Variants in PRKN observed in about 807,000 individuals in gnomAD.
PRKN encodes the protein E3 ubiquitin-protein ligase parkin.
In PRKN, 56 loss-of-function variants were observed where a neutral mutation model predicts 59.5. The observed-to-expected ratio is 0.94, with a 90% CI of 0.76 to 1.18. The LOEUF (loss-of-function observed/expected upper bound fraction) is 1.18, where lower values mean the gene tolerates loss of function less well. Ranked by LOEUF, PRKN falls within the 50% of genes most tolerant of loss-of-function variation. The probability of loss-of-function intolerance (pLI) is 0.00; values close to 1 mark genes in which losing one functional copy is unlikely to be tolerated. For missense variants in PRKN, 657 were observed against 596.4 expected (o/e 1.10, Z -1.06); for synonymous variants, 250 against 222.1 (o/e 1.13, Z -1.12).
chr6:162,024,016 T>C (rs1351501342), intron 5 of PRKN, among the ~76,000 whole-genome samples: 1 of 152,104 alleles, frequency 6.6e-6, no homozygotes, highest in Non-Finnish European at 1.5e-5. Flanking sequence ...AATTGCTTTT[T>C]CTAGTTCTGT....
chr6:162,404,458 T>C (rs1159124135), intron 2 of PRKN, among the ~76,000 whole-genome samples: 3 of 152,164 alleles, frequency 2.0e-5, no homozygotes, highest in Admixed American at 1.3e-4. Context: ...CAAAAGGATA[T>C]TGGGTCTAGA....
chr6:162,536,622 G>A (rs1003256671), intron 1 of PRKN, among the ~76,000 whole-genome samples: 6 of 151,954 alleles, frequency 3.9e-5, no homozygotes, highest in Non-Finnish European at 5.9e-5. Flanking sequence ...CTGTGATACC[G>A]GCAAACTTCT....
At chr6:161,979,792 G>C (rs1288204881) in intron 5 of PRKN, among the ~76,000 whole-genome samples, 1 of 152,142 alleles carries the variant, frequency 6.6e-6, no homozygotes, top group African/African-American at 2.4e-5. Flanking sequence ...AGGGGGACCA[G>C]GGGAGAAGAG....
At chr6:161,382,631 G>A (rs1786046990) in intron 10 of PRKN, among the ~76,000 whole-genome samples, 2 of 152,282 alleles carry the variant, frequency 1.3e-5, no homozygotes, top group East Asian at 1.9e-4. Context: ...AACAAGCAGG[G>A]AAAAACAAGG....
intron 3 of PRKN, among the ~76,000 whole-genome samples, chr6:162,204,008 G>C (rs1319455350): frequency 6.6e-6 from 1 of 152,108 alleles, no homozygotes; most frequent in Non-Finnish European, 1.5e-5. Flanking sequence ...TGTGCATATA[G>C]CTGTGTACAC....
chr6:161,621,853 A>C (rs1466240536), intron 7 of PRKN, among the ~76,000 whole-genome samples: 2 of 152,170 alleles, frequency 1.3e-5, no homozygotes, highest in African/African-American at 4.8e-5. Flanking sequence ...TAGGCCACCC[A>C]CACTCACTCC....
chr6:162,103,098 T>C (rs1267732249), intron 4 of PRKN, among the ~76,000 whole-genome samples: 1 of 149,998 alleles, frequency 6.7e-6, no homozygotes, highest in East Asian at 1.9e-4. Flanking sequence ...AAATGTGTAT[T>C]AGCTAAAATA....
At chr6:161,437,457 G>A (rs185043986) in intron 9 of PRKN, among the ~76,000 whole-genome samples, 102 of 152,266 alleles carry the variant, frequency 6.7e-4, no homozygotes, top group African/African-American at 2.3e-3. Context: ...TTCGGGCCTC[G>A]GTTGACTGTG....
intron 5 of PRKN, among the ~76,000 whole-genome samples, chr6:162,030,594 G>T (rs544878384): frequency 2.0e-5 from 3 of 152,098 alleles, no homozygotes; most frequent in Non-Finnish European, 4.4e-5. Context: ...ACCCTTCCCT[G>T]CACACTCCCT....
At chr6:161,430,349 A>T (rs1788581752) in intron 9 of PRKN, among the ~76,000 whole-genome samples, 1 of 152,200 alleles carries the variant, frequency 6.6e-6, no homozygotes, top group African/African-American at 2.4e-5. Flanking sequence ...TATTACACTG[A>T]CAATTGAAGT....
intron 7 of PRKN, among the ~76,000 whole-genome samples, chr6:161,644,083 C>T (rs1451949905): frequency 1.3e-5 from 2 of 152,074 alleles, no homozygotes; most frequent in South Asian, 2.1e-4. Context: ...ATCTTTCCTC[C>T]AAGGTGGCTC....
rs114693830 is a variant in PRKN, at chr6:161,443,462, G to A, written c.1084-56585C>T. 5.8e-3 allele frequency among the ~76,000 whole-genome samples: 886 copies of A among 152,268 alleles called. 8 individuals carry two copies. Among genetic ancestry groups the A allele is most frequent in the African/African-American group, 0.02 (846 of 41,546 alleles). On this transcript the variant is annotated intron_variant, in intron 9 of 11. Transcript: ENST00000366898. The stretch of plus-strand genomic sequence containing the variant: ...CAGGAGTTTGATGGTACCACGAAGC[G>A]CCACAGGGTGTGGGAGCCTGAGAGG...
chr6:162,330,670 G>A (rs193237360), intron 2 of PRKN, among the ~76,000 whole-genome samples: 4 of 152,214 alleles, frequency 2.6e-5, no homozygotes, highest in Non-Finnish European at 5.9e-5. Context: ...TGCCACTAGA[G>A]ATTTCCTTCT....
In PRKN at chr6:161,962,973, C is replaced by T. The variant is rs187927000; in HGVS notation, c.734+10329G>A. On this transcript the variant is annotated intron_variant, in intron 6 of 11. Transcript: ENST00000366898. ...AAGACTGGCCAACATGGCGAAACCC[C>T]GTCTCTACTAAAAATATAAACTTAG... Among the ~76,000 whole-genome samples, 22 of 152,114 alleles carry T rather than the reference C, an allele frequency of 1.4e-4. No individual in the cohort carries two copies. In the East Asian group the frequency reaches 3.0e-3, roughly 20 times the overall value.
At chr6:162,220,066 T>C (rs1777864676) in intron 3 of PRKN, among the ~76,000 whole-genome samples, 2 of 152,100 alleles carry the variant, frequency 1.3e-5, no homozygotes, top group South Asian at 2.1e-4. Context: ...AGGCTATAGA[T>C]ATACAGAAGA....
chr6:161,855,886 G>A (rs1219512619), intron 6 of PRKN, among the ~76,000 whole-genome samples: 2 of 152,144 alleles, frequency 1.3e-5, no homozygotes, highest in Non-Finnish European at 2.9e-5. Context: ...AGTTAAAAAA[G>A]CAGAATCAAG....
chr6:162,525,822 CAT>C (rs1778257120), intron 1 of PRKN, among the ~76,000 whole-genome samples: 1 of 152,124 alleles, frequency 6.6e-6, no homozygotes, highest in South Asian at 2.1e-4. Flanking sequence ...AGCTGTAAAA[CAT>C]ATGATTCACT....
intron 4 of PRKN, among the ~76,000 whole-genome samples, chr6:162,084,859 G>C (rs573908844): frequency 6.6e-6 from 1 of 151,760 alleles, no homozygotes; most frequent in East Asian, 1.9e-4. Flanking sequence ...AATATAGAAG[G>C]CACAATTAGG....
At chr6:162,276,071 A>T (rs1780624104) in intron 2 of PRKN, among the ~76,000 whole-genome samples, 1 of 152,186 alleles carries the variant, frequency 6.6e-6, no homozygotes, top group South Asian at 2.1e-4. Flanking sequence ...ACTCATTGCT[A>T]GTGGATTCAT....
Sources: gnomAD v4.1 joint callset for allele counts (sites outside exome capture counted in the v4.1 genomes callset) on GRCh38, gnomAD v4.1.1 for gene constraint, MANE v1.5 for transcripts, NCBI Gene and HGNC (gene_info 2026-07-23, HGNC 2026-07-21) for gene names.